The following SYNJ2BP variants were observed in gnomAD, a reference collection of about 807,000 sequenced individuals.
SYNJ2BP encodes synaptojanin-2-binding protein.
In SYNJ2BP, 10 loss-of-function variants were observed where a neutral mutation model predicts 16.9. That is an observed-to-expected ratio of 0.59 (90% CI 0.36 to 1.00). The LOEUF (loss-of-function observed/expected upper bound fraction) is 1.00. Among genes scored for constraint, SYNJ2BP ranks in the 50% least tolerant of loss-of-function variants. The pLI, the probability that SYNJ2BP is intolerant of heterozygous loss-of-function variation, is 0.01. For synonymous variants in SYNJ2BP, 54 were observed against 68.4 expected (o/e 0.79, Z 1.04); for missense variants, 162 against 186.7 (o/e 0.87, Z 0.77).
intron 1 of SYNJ2BP, among the ~76,000 whole-genome samples, chr14:70,402,536 A>G (rs1055585443): frequency 2.6e-5 from 4 of 152,032 alleles, no homozygotes; most frequent in African/African-American, 9.7e-5. Context: ...GACACTTAAT[A>G]TCAGGCCCTG....
intron 2 of SYNJ2BP, among the ~76,000 whole-genome samples, chr14:70,385,049 A>G (rs1887830535): frequency 6.6e-6 from 1 of 152,144 alleles, no homozygotes; most frequent in Non-Finnish European, 1.5e-5. Context: ...TATCTTTGTA[A>G]TATTTAATAT....
At chr14:70,377,904 G>C (rs1467964158) in intron 2 of SYNJ2BP, among the ~76,000 whole-genome samples, 2 of 152,126 alleles carry the variant, frequency 1.3e-5, no homozygotes, top group African/African-American at 4.8e-5. Context: ...AGAACTGTTT[G>C]CATGCACTAC....
chr14:70,377,315 T>C (rs1302559048), intron 2 of SYNJ2BP, among the ~76,000 whole-genome samples: 4 of 152,328 alleles, frequency 2.6e-5, no homozygotes, highest in Middle Eastern at 3.4e-3. Flanking sequence ...CTGGGCCATA[T>C]TCTGCAATCC....
intron 2 of SYNJ2BP, among the ~76,000 whole-genome samples, chr14:70,378,562 G>A (rs1156876586): frequency 6.6e-6 from 1 of 151,772 alleles, no homozygotes; most frequent in Non-Finnish European, 1.5e-5. Flanking sequence ...AAAGTGCTGG[G>A]ATTATAGGTG....
At chr14:70,400,370 A>T (rs1888209037) in intron 1 of SYNJ2BP, among the ~76,000 whole-genome samples, 2 of 152,240 alleles carry the variant, frequency 1.3e-5, no homozygotes, top group Admixed American at 1.3e-4. Context: ...CAATTTTGGA[A>T]CATACACAAG....
Position 70,391,373 on chromosome 14 carries a change from T to C in SYNJ2BP, c.65-2767A>G, listed in dbSNP as rs542716110. 1.2e-4 allele frequency among the ~76,000 whole-genome samples: 18 copies of C among 152,310 alleles called. 1 individual carries two copies. The highest frequency in any genetic ancestry group is 1.1e-3 in the Admixed American group (17 of 15,302). ...TATTAAAAATAGTAGCTTAACTTAC[T>C]AAATGATTTTCTTAGAGCACCCTCA... On this transcript the variant is annotated intron_variant, in intron 1 of 3. Transcript: ENST00000256366.
At chr14:70,394,999 A>G (rs1888060153) in intron 1 of SYNJ2BP, among the ~76,000 whole-genome samples, 1 of 152,250 alleles carries the variant, frequency 6.6e-6, no homozygotes, top group African/African-American at 2.4e-5. Context: ...ACATCTTTGC[A>G]GAAAATATAA....
At chr14:70,389,373 C>CTTTTTT (rs752623860) in intron 1 of SYNJ2BP, among the ~76,000 whole-genome samples, 1 of 94,946 alleles carries the variant, frequency 1.1e-5, no homozygotes, top group African/African-American at 3.2e-5. Flanking sequence ...TTGAGAGTTT[C>CTTTTTT]TTTTTTTTTT....
At chr14:70,391,886 G>C (rs1251366748) in intron 1 of SYNJ2BP, among the ~76,000 whole-genome samples, 1 of 152,168 alleles carries the variant, frequency 6.6e-6, no homozygotes, top group Non-Finnish European at 1.5e-5. Flanking sequence ...AGAACTCCTG[G>C]ACTGACCTGA....
chr14:70,377,572 T>C (rs1216068103), intron 2 of SYNJ2BP, among the ~76,000 whole-genome samples: 5 of 152,192 alleles, frequency 3.3e-5, no homozygotes, highest in African/African-American at 1.2e-4. Context: ...TTCTGATAAA[T>C]GCTTTCTACA....
chr14:70,378,063 T>C (rs926380589), intron 2 of SYNJ2BP, among the ~76,000 whole-genome samples: 7 of 151,910 alleles, frequency 4.6e-5, no homozygotes, highest in African/African-American at 1.7e-4. Flanking sequence ...CTCCTCCCTT[T>C]TGTAATTTTC....
At chr14:70,415,550 C>CAAA (rs1224306215) in intron 1 of SYNJ2BP, among the ~76,000 whole-genome samples, 1 of 65,060 alleles carries the variant, frequency 1.5e-5, no homozygotes. Flanking sequence ...GACCCTGTCT[C>CAAA]AAAAAAAAAA....
chr14:70,373,103 T>C lies in SYNJ2BP; in HGVS notation c.326A>G (p.His109Arg), dbSNP rs1887552139. The change falls in exon 4 of 4, where the codon CAT (histidine) becomes CGT (arginine). Residue 109 changes from histidine to arginine, a missense_variant. Coordinates refer to ENST00000256366, the MANE Select transcript of SYNJ2BP (RefSeq NM_018373.3). ...RLQVQNGPIG[H>R]RGEGDPSGIP... is the part of the protein sequence containing the mutation. The stretch of plus-strand genomic sequence containing the variant: ...ACCACTTGGGTCCCCTTCACCTCGA[T>C]GTCCTATAGGTCCATTCTGCACCTG... The C allele has an allele frequency of 6.2e-7, 1 of 1,614,052 alleles. No individual in the cohort carries two copies. The highest frequency in any genetic ancestry group is 8.5e-7 in the Non-Finnish European group (1 of 1,180,032).
chr14:70,411,290 G>A (rs1192716727), intron 1 of SYNJ2BP, among the ~76,000 whole-genome samples: 1 of 152,018 alleles, frequency 6.6e-6, no homozygotes, highest in Non-Finnish European at 1.5e-5. Flanking sequence ...GCTTAGCTTG[G>A]CAATACATGG....
In SYNJ2BP at chr14:70,380,855, A is replaced by T. The variant is rs958000236; in HGVS notation, c.202-5084T>A. Among the ~76,000 whole-genome samples the T allele has an allele frequency of 2.4e-4, 37 of 152,250 alleles. 1 individual carries two copies. Among genetic ancestry groups the T allele is most frequent in the Admixed American group, 1.6e-3 (24 of 15,292 alleles). ...TTCTTTGAATACTCTGTAACTCTGA[A>T]TACTATGCAACTATATACTTTGAAT... On this transcript the variant is annotated intron_variant, in intron 2 of 3. Transcript: ENST00000256366.
At chr14:70,380,296 A>G (rs1017257203) in intron 2 of SYNJ2BP, among the ~76,000 whole-genome samples, 5 of 152,212 alleles carry the variant, frequency 3.3e-5, no homozygotes, top group Admixed American at 1.3e-4. Flanking sequence ...ACTGCCTATC[A>G]CATATATGTT....
chr14:70,384,325 G>A (rs1328843075), intron 2 of SYNJ2BP, among the ~76,000 whole-genome samples: 2 of 152,094 alleles, frequency 1.3e-5, no homozygotes, highest in Non-Finnish European at 1.5e-5. Flanking sequence ...TAACCTATGC[G>A]TGGAGCATAG....
At chr14:70,378,890 GTTC>G (rs1887689762) in intron 2 of SYNJ2BP, among the ~76,000 whole-genome samples, 1 of 152,144 alleles carries the variant, frequency 6.6e-6, no homozygotes, top group Non-Finnish European at 1.5e-5. Flanking sequence ...ATTACTCTAT[GTTC>G]ACCTTATCTT....
At position 70,370,149 on chromosome 14, in the gene SYNJ2BP, C is replaced by T. The variant is rs1414001973; in HGVS notation, c.*2842G>A. On this transcript the variant is annotated 3_prime_UTR_variant, in exon 4 of 4. Coordinates refer to ENST00000256366, the MANE Select transcript of SYNJ2BP (RefSeq NM_018373.3). ...TCAACCAAAGCAAAACTTCTACCAA[C>T]GACAGAATGGATACTTTTTAAACAA... The T allele has an allele frequency of 3.9e-5, 6 of 152,144 alleles. No individual in the cohort carries two copies. Among genetic ancestry groups the T allele is most frequent in the African/African-American group, 9.7e-5 (4 of 41,428 alleles). 9.4% of individuals were successfully genotyped at this position (152,144 alleles called of 1,614,324 possible).
Sources: gnomAD v4.1 joint callset for allele counts (sites outside exome capture counted in the v4.1 genomes callset) on GRCh38, gnomAD v4.1.1 for gene constraint, MANE v1.5 for transcripts, NCBI Gene and HGNC (gene_info 2026-07-23, HGNC 2026-07-21) for gene names.